Variants in RBM39 observed in about 807,000 individuals in gnomAD.
RBM39 encodes RNA binding motif protein 39, also known as RNA-binding protein 39.
Under a neutral mutation model 79.6 loss-of-function variants are expected in RBM39, and 12 were observed. The observed-to-expected ratio is 0.15, with a 90% CI of 0.10 to 0.24. The LOEUF is 0.24. Among genes scored for constraint, RBM39 ranks in the 10% least tolerant of loss-of-function variants. The pLI, the probability that RBM39 is intolerant of heterozygous loss-of-function variation, is 1.00. For missense variants in RBM39, 243 were observed against 653.4 expected, an observed-to-expected ratio of 0.37 and a Z score of 6.85; for synonymous variants, 185 against 208.4, an observed-to-expected ratio of 0.89 and a Z score of 0.97.
At chr20:35,721,682 A>C (rs758888356) in intron 9 of RBM39, 58 bp downstream of exon 9, 8 of 1,546,076 alleles carry the variant, frequency 5.2e-6, no homozygotes, top group Non-Finnish European at 6.2e-6. Flanking sequence ...TACAGAAATT[A>C]TGTAGTTATA....
Position 35,732,089 on chromosome 20 carries a change from T to C in RBM39, c.148A>G (p.Ser50Gly). ...CTTCGCTTCCGTTCCTTACTTTTGC[T>C]TCTCTTTCGTTCATGACTACGACTT... ...SRSRSHERKR[S>G]KSKERKRSRD... is the part of the protein sequence containing the mutation. Residue 50 changes from serine to glycine, a missense_variant, in exon 4 of 17, where the codon AGC becomes GGC. By Grantham distance (56) the Ser-to-Gly change is moderately conservative (BLOSUM62 0). This residue lies in a region of RBM39 where 115 missense variants were observed against 184.1 expected (regional missense o/e 0.62). Transcript: ENST00000253363. The C allele has an allele frequency of 1.2e-6, 2 of 1,614,122 alleles. No homozygotes were observed. The highest frequency in any genetic ancestry group is 1.7e-6 in the Non-Finnish European group (2 of 1,180,032).
intron 3 of RBM39, among the ~76,000 whole-genome samples, chr20:35,738,670 A>G (rs1004889901): frequency 6.6e-6 from 1 of 152,218 alleles, no homozygotes; most frequent in Non-Finnish European, 1.5e-5. Flanking sequence ...AGATAACCAA[A>G]TATCAAACCA....
At position 35,741,949 on chromosome 20, in the gene RBM39, G is replaced by C; in HGVS notation, c.-22C>G. ...TCCGCAACGCCCCGTACCTGTTCCG[G>C]CCTTCGGGCGCCTGTGGTGCTCGTG... On this transcript the variant is annotated 5_prime_UTR_variant, in exon 1 of 17. Transcript: ENST00000253363. The C allele has an allele frequency of 4.7e-6, 1 of 212,026 alleles. No individual in the cohort carries two copies. Among genetic ancestry groups the C allele is most frequent in the South Asian group, 5.6e-5 (1 of 17,806 alleles). The allele number at this position is 212,026 out of a possible 1,614,324, so 13.1% of individuals were successfully genotyped here.
chr20:35,717,952 G>A (rs1955319315), intron 9 of RBM39, among the ~76,000 whole-genome samples: 3 of 151,506 alleles, frequency 2.0e-5, no homozygotes, highest in African/African-American at 4.9e-5. Context: ...TCTGCCTCCC[G>A]GGTTCACACC....
intron 8 of RBM39, among the ~76,000 whole-genome samples, chr20:35,723,418 A>G (rs2038244152): frequency 6.6e-6 from 1 of 152,148 alleles, no homozygotes; most frequent in Admixed American, 6.5e-5. Context: ...TTGTCTTCCA[A>G]CATAGGAAAT....
Position 35,732,356 on chromosome 20 carries a change from G to A in RBM39, c.102-221C>T, listed in dbSNP as rs971291771. 8.9e-6 allele frequency: 5 copies of A among 559,922 alleles called. No homozygotes were observed. In the African/African-American group the frequency reaches 9.4e-5, roughly 11 times the overall value. 34.7% of individuals were successfully genotyped at this position (559,922 alleles called of 1,614,324 possible). ...GCAGATCACAAGGTCAGGAGTTCAA[G>A]ACCAGTCTGGCCAATGTAGTGAAAC... On this transcript the variant is annotated intron_variant, in intron 3 of 16. Transcript: ENST00000253363.
At position 35,738,991 on chromosome 20, in the gene RBM39, G is replaced by A. The variant is rs1416209087; in HGVS notation, c.78C>T (p.Asn26=). ...KKDENKLSSA[N]GHEERSKKRK... is the part of the protein sequence containing the mutation. The stretch of plus-strand genomic sequence containing the variant: ...ACTTTTTGCTACGTTCTTCATGGCC[G>A]TTGGCACTGCTCAACTTGTTCTCAT... Residue 26 remains asparagine (N), a synonymous_variant, in exon 3 of 17, where the codon AAC becomes AAT. Transcript: ENST00000253363. 17 of 1,613,246 alleles carry A rather than the reference G, an allele frequency of 1.1e-5. No individual in the cohort carries two copies. The highest frequency in any genetic ancestry group is 3.3e-4 in the Middle Eastern group (2 of 6,082).
chr20:35,735,854 C>G (rs2425117), intron 3 of RBM39, among the ~76,000 whole-genome samples: 1 of 151,988 alleles, frequency 6.6e-6, no homozygotes, highest in East Asian at 1.9e-4. Flanking sequence ...TGTCCATTCT[C>G]CTATTTAGTC....
chr20:35,723,978 C>A (rs559373344), intron 8 of RBM39, among the ~76,000 whole-genome samples: 2 of 152,268 alleles, frequency 1.3e-5, no homozygotes, highest in South Asian at 2.1e-4. Context: ...CAGGTCAAGG[C>A]TACAGTGAGC....
intron 13 of RBM39, chr20:35,707,876 A>T (rs35586056): frequency 4.3e-6 from 2 of 465,658 alleles, no homozygotes; most frequent in Non-Finnish European, 8.9e-6. Flanking sequence ...ATTTTCCAAG[A>T]CAGTTGCTCC....
intron 14 of RBM39, among the ~76,000 whole-genome samples, chr20:35,706,371 ATACT>A (rs1467095592): frequency 2.6e-5 from 4 of 152,316 alleles, no homozygotes; most frequent in African/African-American, 7.2e-5. Flanking sequence ...CTATCAAATG[ATACT>A]TACAACGAAA....
intron 3 of RBM39, among the ~76,000 whole-genome samples, chr20:35,738,609 T>C (rs1166891078): frequency 2.0e-5 from 3 of 152,248 alleles, no homozygotes; most frequent in Non-Finnish European, 2.9e-5. Context: ...TCACCTAATT[T>C]AACTCTTTCT....
intron 9 of RBM39, among the ~76,000 whole-genome samples, chr20:35,720,531 T>C (rs1338600374): frequency 6.6e-6 from 1 of 151,332 alleles, no homozygotes; most frequent in Non-Finnish European, 1.5e-5. Context: ...CCCAGCACTT[T>C]AGGAGGCCGA....
intron 13 of RBM39, chr20:35,708,690 T>C (rs2146496891): frequency 6.6e-6 from 1 of 152,512 alleles, no homozygotes. Flanking sequence ...AAACAAGAAA[T>C]CATAGCCTAC....
chr20:35,722,016 C>A (rs940601632), intron 8 of RBM39, 139 bp from the exon 9 acceptor site: 1 of 940,356 alleles, frequency 1.1e-6, no homozygotes, highest in African/African-American at 1.7e-5. Flanking sequence ...TACATATCAA[C>A]TTAATAGGAG....
chr20:35,716,227 CCAT>C (rs1383113606), intron 10 of RBM39, among the ~76,000 whole-genome samples: 1 of 152,106 alleles, frequency 6.6e-6, no homozygotes, highest in Non-Finnish European at 1.5e-5. Flanking sequence ...TTGAGCACCA[CCAT>C]GCTTGGCTAA....
At chr20:35,740,751 C>T (rs1210117884) in intron 2 of RBM39, 73 bp downstream of exon 2, 4 of 1,479,932 alleles carry the variant, frequency 2.7e-6, no homozygotes, top group Non-Finnish European at 3.7e-6. Context: ...GGTTAGTTTA[C>T]ATTTCAGCAG....
At chr20:35,732,204 G>T (rs776836499) in intron 3 of RBM39, 69 bp from the exon 4 acceptor site, 2 of 1,346,922 alleles carry the variant, frequency 1.5e-6, no homozygotes, top group Non-Finnish European at 2.1e-6. Flanking sequence ...ACCTTTTATG[G>T]CCAGAATCAT....
At chr20:35,709,342 A>G in intron 12 of RBM39, 68 bp from the exon 13 acceptor site, 1 of 1,329,096 alleles carries the variant, frequency 7.5e-7, no homozygotes, top group African/African-American at 1.5e-5. Context: ...AGCATTAATA[A>G]AAGAGGACTA....
Sources: gnomAD v4.1 joint callset for allele counts (sites outside exome capture counted in the v4.1 genomes callset) on GRCh38, gnomAD v4.1.1 for gene constraint, gnomAD v4.1.1 regional missense constraint, MANE v1.5 for transcripts, NCBI Gene and HGNC (gene_info 2026-07-23, HGNC 2026-07-21) for gene names.